The following ROCK2 variants were observed in gnomAD, a reference collection of about 807,000 sequenced individuals.
The protein encoded by ROCK2 is rho-associated protein kinase 2.
Under a neutral mutation model 195.1 loss-of-function variants are expected in ROCK2, and 61 were observed. The observed-to-expected ratio is 0.31, with a 90% CI of 0.25 to 0.39. The LOEUF is 0.39. ROCK2 is among the 10% of genes least tolerant of loss of function. The pLI is 1.00. For synonymous variants in ROCK2, 504 were observed against 545.5 expected (o/e 0.92, Z 1.06); for missense variants, 1,109 against 1,637.4 (o/e 0.68, Z 5.57).
intron 1 of ROCK2, among the ~76,000 whole-genome samples, chr2:11,292,284 ATAT>A (rs990420463): frequency 1.3e-5 from 2 of 152,148 alleles, no homozygotes; most frequent in Non-Finnish European, 2.9e-5. Flanking sequence ...AATACAGCAT[ATAT>A]TATTAACAGG....
At chr2:11,319,291 T>C (rs1323819925) in intron 1 of ROCK2, among the ~76,000 whole-genome samples, 1 of 152,218 alleles carries the variant, frequency 6.6e-6, no homozygotes, top group Non-Finnish European at 1.5e-5. Context: ...GAGCAGTGGT[T>C]TGTAGTTCTC....
intron 4 of ROCK2, 51 bp downstream of exon 4, chr2:11,249,610 T>C: frequency 7.4e-7 from 1 of 1,359,678 alleles, no homozygotes; most frequent in Non-Finnish European, 9.6e-7. Flanking sequence ...TCATGAATAA[T>C]AAAGCACTCA....
intron 1 of ROCK2, among the ~76,000 whole-genome samples, chr2:11,291,306 T>C (rs1430343779): frequency 6.6e-6 from 1 of 152,202 alleles, no homozygotes; most frequent in African/African-American, 2.4e-5. Context: ...TCCCAGCACT[T>C]TGGGAGGCCG....
intron 27 of ROCK2, 195 bp from the exon 28 acceptor site, chr2:11,195,220 G>A (rs1490720984): frequency 8.7e-6 from 3 of 344,318 alleles, no homozygotes; most frequent in Admixed American, 4.7e-5. Context: ...ACAAAATCCA[G>A]GTTATATCAT....
chr2:11,208,514 G>A, intron 18 of ROCK2, 67 bp from the exon 19 acceptor site: 3 of 896,082 alleles, frequency 3.3e-6, no homozygotes, highest in Non-Finnish European at 3.1e-6. Context: ...AAATTTGTAA[G>A]TAAAAGCACA....
intron 4 of ROCK2, among the ~76,000 whole-genome samples, chr2:11,243,993 C>T (rs765368545): frequency 6.6e-6 from 1 of 152,048 alleles, no homozygotes; most frequent in African/African-American, 2.4e-5. Flanking sequence ...CGTGGCAATA[C>T]CTAGCTGTGT....
In ROCK2 at chr2:11,193,812, T is replaced by C. The variant is rs375687576; in HGVS notation, c.3654A>G (p.Arg1218=). ...TCCTTGGAATTTCTTTAGCATCTGC[T>C]CTATACACATCTGTCTGTGTAACTG... The part of the protein sequence containing the change: ...VRPVTQTDVY[R]ADAKEIPRIF... Residue 1218 remains arginine, a synonymous_variant, in exon 30 of 33, where the codon AGA becomes AGG. Coordinates refer to ENST00000315872, the MANE Select transcript of ROCK2 (RefSeq NM_004850.5). 1.6e-5 allele frequency: 25 copies of C among 1,603,274 alleles called. No homozygotes were observed. Among genetic ancestry groups the C allele is most frequent in the African/African-American group, 2.7e-5 (2 of 74,394 alleles).
chr2:11,194,905 G>A (rs1663571920), intron 28 of ROCK2, 50 bp downstream of exon 28: 2 of 1,127,044 alleles, frequency 1.8e-6, no homozygotes, highest in Non-Finnish European at 2.6e-6. Context: ...AATGACTAGA[G>A]TTAAAACAAA....
intron 3 of ROCK2, among the ~76,000 whole-genome samples, chr2:11,281,923 T>C (rs560963574): frequency 2.0e-5 from 3 of 152,272 alleles, no homozygotes. Flanking sequence ...ATACCGGTTC[T>C]TCAAATATAG....
At chr2:11,229,747 G>A (rs1237901853) in intron 5 of ROCK2, among the ~76,000 whole-genome samples, 3 of 151,950 alleles carry the variant, frequency 2.0e-5, no homozygotes, top group East Asian at 1.9e-4. Context: ...AATACTGTAA[G>A]ACTAATTAAA....
Position 11,214,985 on chromosome 2 carries a change from A to G in ROCK2, c.1791T>C (p.Ser597=). 1 of 1,613,686 alleles carries G rather than the reference A, an allele frequency of 6.2e-7. No individual in the cohort carries two copies. The highest frequency in any genetic ancestry group is 8.5e-7 in the Non-Finnish European group (1 of 1,179,888). ...TTTTATCTTGTAGATCTCTATTGTT[A>G]GATTCCAGCTGCTGAATCTGTTTTG... ...ESSKQIQQLE[S]NNRDLQDKNC... is the part of the protein sequence containing the mutation. Residue 597 remains serine (S), a synonymous_variant, in exon 16 of 33, where the codon TCT becomes TCC. Transcript: ENST00000315872.
At chr2:11,202,164 T>A (rs1663876192) in intron 20 of ROCK2, 43 bp from the exon 21 acceptor site, 1 of 1,496,258 alleles carries the variant, frequency 6.7e-7, no homozygotes, top group African/African-American at 1.4e-5. Context: ...CTTACACATA[T>A]TTTAAACGAG....
Position 11,201,214 on chromosome 2 carries a change from C to T in ROCK2, c.2724-71G>A, listed in dbSNP as rs150046730. On this transcript the variant is annotated intron_variant, in intron 22 of 32. Coordinates refer to ENST00000315872, the MANE Select transcript of ROCK2 (RefSeq NM_004850.5). The surrounding 1 kb of genome is among the most constrained non-coding windows in gnomAD (Gnocchi z 4.6). ...GAAGTGAAAGTTTTTGTCTAATTCACTTCATCAATAATTTTTTATTTGGTG... is the reference window on the plus strand; with the variant it reads ...GAAGTGAAAGTTTTTGTCTAATTCATTTCATCAATAATTTTTTATTTGGTG... 540 of 1,535,474 alleles carry T rather than the reference C, an allele frequency of 3.5e-4. 1 individual carries two copies. The African/African-American group carries it at 6.5e-3, about 18-fold the overall frequency.
chr2:11,250,384 T>C (rs992529804), intron 3 of ROCK2, among the ~76,000 whole-genome samples: 1 of 152,234 alleles, frequency 6.6e-6, no homozygotes, highest in African/African-American at 2.4e-5. Context: ...CCAATTAGAC[T>C]GCAAATTTCA....
chr2:11,285,673 A>T (rs1353802407), intron 3 of ROCK2, among the ~76,000 whole-genome samples: 1 of 152,036 alleles, frequency 6.6e-6, no homozygotes, highest in East Asian at 1.9e-4. Flanking sequence ...CATAAAATAC[A>T]AAAAATGAGC....
At chr2:11,229,356 A>C (rs1664920771) in intron 5 of ROCK2, among the ~76,000 whole-genome samples, 1 of 152,122 alleles carries the variant, frequency 6.6e-6, no homozygotes, top group Non-Finnish European at 1.5e-5. Flanking sequence ...TACATTTATA[A>C]CAAGTCTCTA....
In ROCK2 at chr2:11,182,325, A is replaced by C. The variant is rs1217379989; in HGVS notation, c.*1112T>G. On this transcript the variant is annotated 3_prime_UTR_variant, in exon 33 of 33. Transcript: ENST00000315872. The stretch of plus-strand genomic sequence containing the variant: ...TATTTGGGAAAAATTTTGAATCTTA[A>C]GTGTGAAAATGTAATCACAAATGTC... 6.6e-6 allele frequency: 1 copy of C among 152,228 alleles called. No homozygotes were observed. The highest frequency in any genetic ancestry group is 2.4e-5 in the African/African-American group (1 of 41,450). The allele number at this position is 152,228 out of a possible 1,614,324, so 9.4% of individuals were successfully genotyped here. A position where few individuals can be genotyped will look rare whatever the true frequency, so the allele number is the denominator to read the frequency against.
At chr2:11,221,544 T>C (rs561443712) in intron 8 of ROCK2, among the ~76,000 whole-genome samples, 187 bp from the exon 9 acceptor site, 17 of 152,282 alleles carry the variant, frequency 1.1e-4, no homozygotes, top group African/African-American at 3.6e-4. Context: ...CTTTTAAATA[T>C]AGATTAAACA....
At chr2:11,272,172 C>T (rs1050764854) in intron 3 of ROCK2, among the ~76,000 whole-genome samples, 3 of 152,074 alleles carry the variant, frequency 2.0e-5, no homozygotes, top group Non-Finnish European at 2.9e-5. Flanking sequence ...AAGACATTAA[C>T]AGATAAACAA....
Sources: allele counts gnomAD v4.1 joint callset (sites outside exome capture counted in the v4.1 genomes callset), GRCh38; gene constraint gnomAD v4.1.1; non-coding constraint Gnocchi (gnomAD v3.1); transcripts MANE v1.5; gene names NCBI Gene and HGNC (gene_info 2026-07-23, HGNC 2026-07-21).